N4BP2: variants seen among roughly 807,000 people sequenced by gnomAD.
N4BP2 encodes NEDD4 binding protein 2.
N4BP2 carries 91 observed loss-of-function variants against 152.8 expected under a neutral mutation model. The ratio of observed to expected loss-of-function variants is 0.60; its 90% CI spans 0.50 to 0.71. N4BP2 has a LOEUF of 0.71. N4BP2 is among the 30% of genes least tolerant of loss of function. The probability of loss-of-function intolerance (pLI) is 0.00; values close to 1 mark genes in which losing one functional copy is unlikely to be tolerated. For synonymous variants in N4BP2, 646 were observed against 705.3 expected, an observed-to-expected ratio of 0.92 and a Z score of 1.33; for missense variants, 1,923 against 2,059.1, an observed-to-expected ratio of 0.93 and a Z score of 1.28.
downstream of N4BP2, among the ~76,000 whole-genome samples, chr4:40,159,073 C>T (rs1315395795): frequency 6.6e-6 from 1 of 152,092 alleles, no homozygotes; most frequent in African/African-American, 2.4e-5. Context: ...AGTGCTATCC[C>T]AATTTAATGA....
chr4:40,181,006 C>T, the N4BP2 span, among the ~76,000 whole-genome samples: 4 of 151,954 alleles, frequency 2.6e-5, no homozygotes, highest in South Asian at 2.1e-4. Context: ...AAAAATTAGC[C>T]GGGCATGGTG....
At chr4:40,123,611 G>C (rs971934375) in intron 10 of N4BP2, among the ~76,000 whole-genome samples, 15 of 152,032 alleles carry the variant, frequency 9.9e-5, no homozygotes, top group Non-Finnish European at 1.5e-5. Context: ...AGCCTCCAGA[G>C]TAGGTAGGAC....
At chr4:40,072,563 A>AT (rs1321682284) in intron 1 of N4BP2, among the ~76,000 whole-genome samples, 4 of 150,786 alleles carry the variant, frequency 2.7e-5, no homozygotes, top group Non-Finnish European at 1.5e-5. Context: ...AATTTTTGTA[A>AT]TTTTAGTAGA....
At chr4:40,059,639 C>A (rs1048783760) in intron 1 of N4BP2, among the ~76,000 whole-genome samples, 2 of 152,010 alleles carry the variant, frequency 1.3e-5, no homozygotes, top group Admixed American at 1.3e-4. Context: ...CATGAGCCAC[C>A]CCGCCTGGCC....
intron 13 of N4BP2, among the ~76,000 whole-genome samples, chr4:40,136,663 C>T (rs1719435185): frequency 6.6e-6 from 1 of 152,358 alleles, no homozygotes; most frequent in East Asian, 1.9e-4. Flanking sequence ...GCTGGGATTA[C>T]AGGCGTGAGC....
At chr4:40,178,474 TACTC>T in the N4BP2 span, among the ~76,000 whole-genome samples, 5 of 151,708 alleles carry the variant, frequency 3.3e-5, no homozygotes, top group African/African-American at 1.2e-4. Context: ...ACAAGAAAGG[TACTC>T]ACAGATATGA....
intron 7 of N4BP2, among the ~76,000 whole-genome samples, chr4:40,116,499 G>T (rs573558305): frequency 2.6e-4 from 39 of 152,052 alleles, no homozygotes; most frequent in African/African-American, 9.4e-4. Flanking sequence ...TGGAAATTGT[G>T]CAGACTTTAA....
rs146520771 is a variant in N4BP2 at position 40,061,459 on chromosome 4, G to A, written c.-212+4429G>A. ...AGCTCACTGCAACCTCCGCCTCCTG[G>A]GTTCAAGTGATTCTTCTGCCTCAGC... On this transcript the variant is annotated intron_variant, in intron 1 of 17. Coordinates refer to ENST00000261435, the MANE Select transcript of N4BP2 (RefSeq NM_018177.6). Among the ~76,000 whole-genome samples the A allele has an allele frequency of 5.9e-3, 896 of 151,026 alleles. 9 individuals are homozygous for A. The highest frequency in any genetic ancestry group is 0.021 in the African/African-American group (853 of 41,104).
At position 40,157,111 on chromosome 4, in the gene N4BP2, C is replaced by T. The variant is rs555290542; in HGVS notation, c.*2874C>T. ...TGGAAAAAGAGGACTAATGTGGAAA[C>T]CCCAGAGGGTGTCCAGTTGGACCAG... On this transcript the variant is annotated 3_prime_UTR_variant, in exon 18 of 18. Transcript: ENST00000261435. 1.3e-5 allele frequency: 2 copies of T among 152,182 alleles called. No homozygotes were observed. Among genetic ancestry groups the T allele is most frequent in the South Asian group, 2.1e-4 (1 of 4,810 alleles). 9.4% of individuals were successfully genotyped at this position (152,182 alleles called of 1,614,324 possible).
rs550918542 is a variant in N4BP2, at chr4:40,139,821, T to A, written c.4785+2739T>A. ...TTAGGCTTTTTTTTTTTTTTACATT[T>A]TTTTTTCTTTTTTTTTTTTTTGAGA... is the stretch of plus-strand genomic sequence containing the variant. On this transcript the variant is annotated intron_variant, in intron 14 of 17. Coordinates refer to ENST00000261435, the MANE Select transcript of N4BP2 (RefSeq NM_018177.6). Among the ~76,000 whole-genome samples, 99 of 146,504 alleles carry A rather than the reference T, an allele frequency of 6.8e-4. No individual in the cohort carries two copies. In the East Asian group the frequency reaches 0.019, roughly 27 times the overall value.
intron 2 of N4BP2, among the ~76,000 whole-genome samples, chr4:40,086,486 C>A (rs913305886): frequency 6.6e-6 from 1 of 151,438 alleles, no homozygotes; most frequent in Non-Finnish European, 1.5e-5. Context: ...TACAGGTGTG[C>A]GCCACCATGC....
chr4:40,076,678 C>T (rs1470481490), intron 2 of N4BP2, among the ~76,000 whole-genome samples: 5 of 152,164 alleles, frequency 3.3e-5, no homozygotes, highest in Admixed American at 3.3e-4. Context: ...TTAGTAGAGA[C>T]AGGGTTTCAC....
intron 2 of N4BP2, among the ~76,000 whole-genome samples, chr4:40,094,586 G>A (rs1217065772): frequency 6.6e-6 from 1 of 151,604 alleles, no homozygotes; most frequent in African/African-American, 2.4e-5. Flanking sequence ...ATGGAGTTTC[G>A]CTCTTGTTGC....
intron 2 of N4BP2, among the ~76,000 whole-genome samples, chr4:40,078,313 T>A (rs1712987074): frequency 6.6e-6 from 1 of 151,986 alleles, no homozygotes; most frequent in Non-Finnish European, 1.5e-5. Context: ...ACTTTTTGTA[T>A]CTTTAGTAGA....
At chr4:40,090,574 G>A (rs552599907) in intron 2 of N4BP2, among the ~76,000 whole-genome samples, 74 of 152,144 alleles carry the variant, frequency 4.9e-4, no homozygotes, top group Non-Finnish European at 9.7e-4. Context: ...ACATACTTTC[G>A]TTCAACGTCA....
rs1185663180 is a variant in N4BP2, at chr4:40,103,147, G to C, written c.1302G>C (p.Lys434Asn). 14 of 1,614,034 alleles carry C rather than the reference G, an allele frequency of 8.7e-6. No individual in the cohort carries two copies. The highest frequency in any genetic ancestry group is 1.1e-5 in the Non-Finnish European group (13 of 1,179,996). ...ETPVSQVVRKKTSYVGLVLVL... is the reference protein window; with the variant it reads ...ETPVSQVVRKNTSYVGLVLVL... Reference sequence around the variant, plus strand: ...CAGTTTCTCAGGTTGTAAGAAAGAAGACATCTTACGTTGGACTAGTTCTTG... The same window carrying C: ...CAGTTTCTCAGGTTGTAAGAAAGAACACATCTTACGTTGGACTAGTTCTTG... Residue 434 changes from lysine (K) to asparagine (N), a missense_variant, in exon 4 of 18, where the codon AAG becomes AAC. Coordinates refer to ENST00000261435, the MANE Select transcript of N4BP2 (RefSeq NM_018177.6).
intron 2 of N4BP2, among the ~76,000 whole-genome samples, chr4:40,089,409 G>A (rs565532856): frequency 6.9e-6 from 1 of 145,490 alleles, no homozygotes; most frequent in Admixed American, 6.9e-5. Flanking sequence ...GTTTTGATTT[G>A]ATGAACTATA....
chr4:40,121,985 T>G lies in N4BP2; in HGVS notation c.3874T>G (p.Ser1292Ala). ...TTTCTCTGATATTTTTAACTTTGTA[T>G]CTAGTACTTCAAATCTTGAATTAAA... ...SHFSDIFNFVSSTSNLELNEE... is the reference protein window; with the variant it reads ...SHFSDIFNFVASTSNLELNEE... The change falls in exon 9 of 18, where the codon TCT becomes GCT. Residue 1292 changes from serine (S) to alanine (A), a missense_variant. Coordinates refer to ENST00000261435, the MANE Select transcript of N4BP2 (RefSeq NM_018177.6). 6.5e-7 allele frequency: 1 copy of G among 1,550,322 alleles called. No individual in the cohort carries two copies. Among genetic ancestry groups the G allele is most frequent in the South Asian group, 1.2e-5 (1 of 83,228 alleles).
In N4BP2 at chr4:40,072,420, A is replaced by AT. The variant is rs1712297068; in HGVS notation, c.-211-1030dup. On this transcript the variant is annotated intron_variant, in intron 1 of 17. Transcript: ENST00000261435. ...GCCACCATGCCCAGCTAATTTTTGT[A>AT]TTTTTAGTAGAGATGGGGTTTCGCC... is the stretch of plus-strand genomic sequence containing the variant. 2.0e-5 allele frequency among the ~76,000 whole-genome samples: 3 copies of AT among 150,162 alleles called. No homozygotes were observed. In the South Asian group the frequency reaches 6.4e-4, roughly 32 times the overall value.
Sources: allele counts gnomAD v4.1 joint callset (sites outside exome capture counted in the v4.1 genomes callset), GRCh38; gene constraint gnomAD v4.1.1; transcripts MANE v1.5; gene names NCBI Gene and HGNC (gene_info 2026-07-23, HGNC 2026-07-21).